The following ZMAT4 variants were observed in gnomAD, a reference collection of about 807,000 sequenced individuals.
ZMAT4 encodes the protein zinc finger matrin-type 4, also known as zinc finger matrin-type protein 4.
A neutral mutation model predicts 28.7 loss-of-function variants in ZMAT4; 17 were observed. The observed-to-expected ratio is 0.59, with a 90% CI of 0.41 to 0.89. ZMAT4 has a LOEUF of 0.89. ZMAT4 is among the 40% of genes least tolerant of loss of function. The probability of loss-of-function intolerance (pLI) is 0.00; values close to 1 mark genes in which losing one functional copy is unlikely to be tolerated. For missense variants in ZMAT4, 240 were observed against 283.8 expected (o/e 0.85, Z 1.11); for synonymous variants, 117 against 109.2 (o/e 1.07, Z -0.44).
intron 1 of ZMAT4, among the ~76,000 whole-genome samples, chr8:40,865,446 G>A (rs1170173578): frequency 6.6e-6 from 1 of 152,238 alleles, no homozygotes; most frequent in Non-Finnish European, 1.5e-5. Flanking sequence ...ACCAATGGCA[G>A]AGGGATCTTC....
chr8:40,577,514 G>C (rs1300359629), intron 6 of ZMAT4, among the ~76,000 whole-genome samples: 1 of 152,136 alleles, frequency 6.6e-6, no homozygotes, highest in African/African-American at 2.4e-5. Flanking sequence ...ACTAGAGGCT[G>C]AGAAGAATAG....
intron 4 of ZMAT4, among the ~76,000 whole-genome samples, chr8:40,693,561 A>G (rs975918763): frequency 6.6e-6 from 1 of 152,186 alleles, no homozygotes; most frequent in African/African-American, 2.4e-5. Context: ...TCCTTGATGC[A>G]TGTTCCTCAA....
chr8:40,852,506 C>T (rs1410425211), intron 1 of ZMAT4, among the ~76,000 whole-genome samples: 3 of 152,126 alleles, frequency 2.0e-5, no homozygotes, highest in African/African-American at 7.2e-5. Flanking sequence ...GAAGAGAATC[C>T]AGCTTCACAC....
intron 2 of ZMAT4, among the ~76,000 whole-genome samples, chr8:40,790,328 T>C (rs745355648): frequency 3.9e-5 from 6 of 152,172 alleles, no homozygotes; most frequent in Non-Finnish European, 7.3e-5. Flanking sequence ...AGCTTCTAGA[T>C]CTAATCAATA....
At chr8:40,750,246 G>A (rs917460188) in intron 3 of ZMAT4, among the ~76,000 whole-genome samples, 2 of 152,122 alleles carry the variant, frequency 1.3e-5, no homozygotes, top group African/African-American at 2.4e-5. Flanking sequence ...CCTAAACAAA[G>A]CCAAACAGTC....
At chr8:40,722,162 A>G (rs1351086133) in intron 3 of ZMAT4, among the ~76,000 whole-genome samples, 2 of 152,042 alleles carry the variant, frequency 1.3e-5, no homozygotes, top group African/African-American at 4.8e-5. Flanking sequence ...ACAAAAGCCA[A>G]AATTGACAAA....
intron 6 of ZMAT4, among the ~76,000 whole-genome samples, chr8:40,546,856 C>T (rs902028099): frequency 6.6e-6 from 1 of 152,118 alleles, no homozygotes; most frequent in Non-Finnish European, 1.5e-5. Flanking sequence ...CTCCTACTGC[C>T]TCTGCCAGTT....
intron 3 of ZMAT4, among the ~76,000 whole-genome samples, chr8:40,728,860 C>T (rs1011050939): frequency 1.3e-5 from 2 of 152,096 alleles, no homozygotes; most frequent in East Asian, 1.9e-4. Flanking sequence ...CGCCATTCCC[C>T]GCAGGCAACC....
At chr8:40,809,260 C>T (rs183003762) in intron 2 of ZMAT4, among the ~76,000 whole-genome samples, 272 of 151,662 alleles carry the variant, frequency 1.8e-3, no homozygotes, top group African/African-American at 6.3e-3. Flanking sequence ...ACTGAGTACA[C>T]ATGGACATAA....
intron 1 of ZMAT4, among the ~76,000 whole-genome samples, chr8:40,880,161 A>C (rs1408459296): frequency 6.6e-6 from 1 of 152,216 alleles, no homozygotes; most frequent in Non-Finnish European, 1.5e-5. Context: ...TGAGGTCAGG[A>C]GTTCAAGACC....
At chr8:40,547,495 C>A (rs935470878) in intron 6 of ZMAT4, among the ~76,000 whole-genome samples, 2 of 152,172 alleles carry the variant, frequency 1.3e-5, no homozygotes, top group African/African-American at 4.8e-5. Flanking sequence ...TGAATTTTAA[C>A]CTTGCAATTT....
At chr8:40,579,041 G>A (rs1481491005) in intron 6 of ZMAT4, among the ~76,000 whole-genome samples, 1 of 152,164 alleles carries the variant, frequency 6.6e-6, no homozygotes, top group East Asian at 1.9e-4. Context: ...GTTTTCTCAT[G>A]TAAGATAACA....
intron 3 of ZMAT4, among the ~76,000 whole-genome samples, chr8:40,704,079 A>G (rs976213089): frequency 1.3e-5 from 2 of 152,248 alleles, no homozygotes; most frequent in Non-Finnish European, 2.9e-5. Context: ...GGCAACAGTC[A>G]TCTGATACCT....
chr8:40,699,148 G>A (rs1810021724), intron 3 of ZMAT4, among the ~76,000 whole-genome samples: 2 of 152,142 alleles, frequency 1.3e-5, no homozygotes, highest in South Asian at 4.1e-4. Flanking sequence ...GAGACAGGAT[G>A]GAAGCCAGGG....
intron 3 of ZMAT4, among the ~76,000 whole-genome samples, chr8:40,720,574 C>A (rs1021335516): frequency 9.2e-5 from 13 of 141,388 alleles, no homozygotes; most frequent in African/African-American, 3.5e-4. Context: ...GTCACCCAGG[C>A]TGGAGTGCAG....
rs1818927704 is a variant in ZMAT4 at position 40,897,717 on chromosome 8, G to C, written c.-39C>G. On this transcript the variant is annotated 5_prime_UTR_variant, in exon 1 of 7. Coordinates refer to ENST00000297737, the MANE Select transcript of ZMAT4 (RefSeq NM_024645.3). ...GAGGCAGAGGGGCCGCCGGTGCCCA[G>C]AGGCCAGCTGCCCTGCCGAGCAGTA... The C allele has an allele frequency of 6.6e-6, 1 of 152,286 alleles. No homozygotes were observed. Among genetic ancestry groups the C allele is most frequent in the African/African-American group, 2.4e-5 (1 of 41,456 alleles). 9.4% of individuals were successfully genotyped at this position (152,286 alleles called of 1,614,324 possible). A position where few individuals can be genotyped will look rare whatever the true frequency, so the allele number is the denominator to read the frequency against.
intron 2 of ZMAT4, among the ~76,000 whole-genome samples, chr8:40,800,579 C>A (rs1258376633): frequency 6.6e-6 from 1 of 151,904 alleles, no homozygotes; most frequent in East Asian, 1.9e-4. Context: ...TGGAATTAAC[C>A]TGGAAATCAA....
At chr8:40,711,649 C>A (rs996225081) in intron 3 of ZMAT4, among the ~76,000 whole-genome samples, 2 of 152,096 alleles carry the variant, frequency 1.3e-5, no homozygotes, top group South Asian at 4.1e-4. Context: ...GAAAAAGAAA[C>A]CTGCAGACTA....
chr8:40,843,535 G>A (rs760065768), intron 1 of ZMAT4, among the ~76,000 whole-genome samples: 45 of 152,168 alleles, frequency 3.0e-4, no homozygotes, highest in Admixed American at 7.2e-4. Flanking sequence ...TCTTCCCACT[G>A]GACTAAAATC....
Sources: allele counts gnomAD v4.1 joint callset (sites outside exome capture counted in the v4.1 genomes callset), GRCh38; gene constraint gnomAD v4.1.1; transcripts MANE v1.5; gene names NCBI Gene and HGNC (gene_info 2026-07-23, HGNC 2026-07-21).